RCAN2: variants seen among roughly 807,000 people sequenced by gnomAD.
The protein encoded by RCAN2 is calcipressin-2.
A neutral mutation model predicts 23.6 loss-of-function variants in RCAN2; 9 were observed. That is an observed-to-expected ratio of 0.38 (90% CI 0.23 to 0.67). The LOEUF (loss-of-function observed/expected upper bound fraction) is 0.67. Ranked by LOEUF, RCAN2 falls within the 30% of genes least tolerant of loss-of-function variation. RCAN2 has a pLI of 0.51. For missense variants in RCAN2, 273 were observed against 302.3 expected (o/e 0.90, Z 0.72); for synonymous variants, 109 against 115.7 (o/e 0.94, Z 0.37).
At chr6:46,355,704 C>T (rs1260453875) in intron 2 of RCAN2, among the ~76,000 whole-genome samples, 1 of 152,146 alleles carries the variant, frequency 6.6e-6, no homozygotes, top group Non-Finnish European at 1.5e-5. Context: ...TGCTGGGTTA[C>T]CTAAGAAACT....
chr6:46,464,058 T>C (rs749317329), intron 1 of RCAN2, among the ~76,000 whole-genome samples: 3 of 152,188 alleles, frequency 2.0e-5, no homozygotes, highest in Non-Finnish European at 4.4e-5. Flanking sequence ...CAGTTTTGAT[T>C]GAAAAACAAG....
At chr6:46,226,184 T>C (rs1194372557) in intron 4 of RCAN2, among the ~76,000 whole-genome samples, 2 of 152,360 alleles carry the variant, frequency 1.3e-5, no homozygotes, top group South Asian at 2.1e-4. Context: ...TTTTGGTTAC[T>C]GTAGACTTGT....
chr6:46,255,407 G>T (rs990466838), intron 2 of RCAN2, among the ~76,000 whole-genome samples: 1 of 152,208 alleles, frequency 6.6e-6, no homozygotes, highest in African/African-American at 2.4e-5. Context: ...AGAATGGGAA[G>T]ATGTGAGACT....
chr6:46,239,281 T>C (rs1259236896), intron 4 of RCAN2, among the ~76,000 whole-genome samples: 1 of 152,232 alleles, frequency 6.6e-6, no homozygotes, highest in African/African-American at 2.4e-5. Context: ...AAAGAACTTA[T>C]CTTCTAAGTG....
intron 2 of RCAN2, among the ~76,000 whole-genome samples, chr6:46,287,393 T>C (rs1439767109): frequency 6.6e-6 from 1 of 152,250 alleles, no homozygotes; most frequent in East Asian, 1.9e-4. Context: ...TGAAGGAAGA[T>C]GGATCACACA....
At position 46,346,928 on chromosome 6, in the gene RCAN2, T is replaced by G. The variant is rs550023176; in HGVS notation, c.226-98032A>C. The stretch of plus-strand genomic sequence containing the variant: ...TCTCGCTCTGTCACCCAGGCTGGAG[T>G]GCAGTGGCGTGATCTCCGCTCACTG... On this transcript the variant is annotated intron_variant, in intron 2 of 4. Coordinates refer to ENST00000371374, the MANE Select transcript of RCAN2 (RefSeq NM_001251974.2). Among the ~76,000 whole-genome samples the G allele has an allele frequency of 5.3e-5, 8 of 152,192 alleles. No homozygotes were observed. The East Asian group carries it at 1.5e-3, about 29-fold the overall frequency.
chr6:46,292,170 A>G (rs1157384473), intron 2 of RCAN2, among the ~76,000 whole-genome samples: 1 of 152,194 alleles, frequency 6.6e-6, no homozygotes, highest in Non-Finnish European at 1.5e-5. Context: ...AGAGGATACA[A>G]TGACAGTGCT....
intron 4 of RCAN2, among the ~76,000 whole-genome samples, chr6:46,226,687 T>G (rs1156910101): frequency 6.6e-6 from 1 of 152,352 alleles, no homozygotes; most frequent in East Asian, 1.9e-4. Context: ...GATTTTGGGC[T>G]GAGATGATGG....
At chr6:46,249,528 C>T (rs1766638521) in intron 2 of RCAN2, among the ~76,000 whole-genome samples, 1 of 151,930 alleles carries the variant, frequency 6.6e-6, no homozygotes, top group Non-Finnish European at 1.5e-5. Flanking sequence ...CCATGCTGGC[C>T]AGGCTGGTCT....
At chr6:46,440,986 T>C (rs1231410879) in intron 2 of RCAN2, among the ~76,000 whole-genome samples, 1 of 152,220 alleles carries the variant, frequency 6.6e-6, no homozygotes, top group African/African-American at 2.4e-5. Flanking sequence ...TGCTGAAGTC[T>C]TCCTTCCAAA....
chr6:46,309,350 A>G (rs1160390117), intron 2 of RCAN2, among the ~76,000 whole-genome samples: 3 of 152,108 alleles, frequency 2.0e-5, no homozygotes, highest in Non-Finnish European at 4.4e-5. Context: ...TTTCCAGTTC[A>G]CTCTAAGGAA....
intron 1 of RCAN2, among the ~76,000 whole-genome samples, chr6:46,474,838 C>T (rs1209336080): frequency 6.6e-6 from 1 of 152,156 alleles, no homozygotes; most frequent in East Asian, 1.9e-4. Flanking sequence ...GGGAAAGAAA[C>T]ATAAGCAGCA....
chr6:46,295,954 C>T (rs2150348119), intron 2 of RCAN2, among the ~76,000 whole-genome samples: 1 of 150,484 alleles, frequency 6.6e-6, no homozygotes, highest in Non-Finnish European at 1.5e-5. Context: ...CAGAAATGAG[C>T]AAACTTTTTT....
At chr6:46,348,934 C>A (rs940203794) in intron 2 of RCAN2, among the ~76,000 whole-genome samples, 7 of 152,102 alleles carry the variant, frequency 4.6e-5, no homozygotes, top group Admixed American at 1.3e-4. Flanking sequence ...TCCCATATCC[C>A]CAAATTGTCT....
At chr6:46,481,240 G>T (rs892983374) in intron 1 of RCAN2, among the ~76,000 whole-genome samples, 1 of 152,314 alleles carries the variant, frequency 6.6e-6, no homozygotes, top group African/African-American at 2.4e-5. Flanking sequence ...TGTCTTACTG[G>T]TTTTTATACC....
intron 2 of RCAN2, among the ~76,000 whole-genome samples, chr6:46,249,919 A>T (rs560523849): frequency 7.0e-4 from 106 of 152,312 alleles, no homozygotes; most frequent in African/African-American, 2.5e-3. Context: ...AGGAAAAAAA[A>T]AATCTCTATT....
chr6:46,224,543 C>T (rs189055289), intron 4 of RCAN2, among the ~76,000 whole-genome samples: 46 of 152,290 alleles, frequency 3.0e-4, no homozygotes, highest in Admixed American at 1.0e-3. Context: ...CTTAGGGCCA[C>T]CAAAATAGCT....
rs1423300439 is a variant in RCAN2 at position 46,446,701 on chromosome 6, A to G, written c.225+10051T>C. On this transcript the variant is annotated intron_variant, in intron 2 of 4. Transcript: ENST00000371374. ...ACATGTAAATTGTGACACCAAAAAC[A>G]TAAAATGCGGAAAGAGGAGTAAAAT... Among the ~76,000 whole-genome samples the G allele has an allele frequency of 2.0e-5, 3 of 152,334 alleles. No homozygotes were observed. The East Asian group carries it at 5.8e-4, about 29-fold the overall frequency.
chr6:46,313,438 T>C (rs999339634), intron 2 of RCAN2, among the ~76,000 whole-genome samples: 1 of 152,224 alleles, frequency 6.6e-6, no homozygotes, highest in South Asian at 2.1e-4. Context: ...ACTAATGCTA[T>C]ACCAGGGCAT....
Sources: allele counts gnomAD v4.1 joint callset (sites outside exome capture counted in the v4.1 genomes callset), GRCh38; gene constraint gnomAD v4.1.1; transcripts MANE v1.5; gene names NCBI Gene and HGNC (gene_info 2026-07-23, HGNC 2026-07-21).